The following DNAH9 variants were observed in gnomAD, a reference collection of about 807,000 sequenced individuals.
The protein encoded by DNAH9 is DNAH9 variant protein.
Under a neutral mutation model 471.6 loss-of-function variants are expected in DNAH9, and 345 were observed. That is an observed-to-expected ratio of 0.73 (90% CI 0.67 to 0.80). DNAH9 has a LOEUF of 0.80. Among genes scored for constraint, DNAH9 ranks in the 30% least tolerant of loss-of-function variants. The probability of loss-of-function intolerance (pLI) is 0.00; values close to 1 mark genes in which losing one functional copy is unlikely to be tolerated. For missense variants in DNAH9, 5,407 were observed against 5,609.2 expected (o/e 0.96, Z 1.15); for synonymous variants, 2,093 against 2,123.6 (o/e 0.99, Z 0.40).
intron 55 of DNAH9, among the ~76,000 whole-genome samples, chr17:11,882,023 C>T (rs867579945): frequency 6.6e-6 from 1 of 152,210 alleles, no homozygotes; most frequent in Admixed American, 6.5e-5. Context: ...CAGAACTAAG[C>T]GGAATGAAAT....
chr17:11,759,072 A>T (rs1967529893), intron 35 of DNAH9, among the ~76,000 whole-genome samples: 2 of 137,192 alleles, frequency 1.5e-5, no homozygotes, highest in Non-Finnish European at 1.5e-5. Flanking sequence ...TTAGGAAAAT[A>T]GTCTATCCCT....
intron 49 of DNAH9, among the ~76,000 whole-genome samples, chr17:11,839,113 C>G (rs925977481): frequency 2.6e-5 from 4 of 152,160 alleles, no homozygotes; most frequent in African/African-American, 7.2e-5. Flanking sequence ...TGGTCTCCCT[C>G]CCACCCCCTC....
chr17:11,615,698 G>A (rs2072727684), intron 4 of DNAH9, among the ~76,000 whole-genome samples: 1 of 152,030 alleles, frequency 6.6e-6, no homozygotes, highest in African/African-American at 2.4e-5. Context: ...CTTTTCTCAA[G>A]TATTGTGCTC....
At chr17:11,866,145 GT>G (rs1211997756) in intron 50 of DNAH9, among the ~76,000 whole-genome samples, 1 of 150,518 alleles carries the variant, frequency 6.6e-6, no homozygotes, top group Non-Finnish European at 1.5e-5. Context: ...CATCTTTGTG[GT>G]TTTGTCTACT....
chr17:11,856,035 T>C (rs950972979), intron 50 of DNAH9, among the ~76,000 whole-genome samples: 4 of 152,148 alleles, frequency 2.6e-5, no homozygotes, highest in Non-Finnish European at 5.9e-5. Flanking sequence ...GCTGCCCCCC[T>C]GCTGTGTGAC....
rs1417571933 is a variant in DNAH9 at position 11,887,105 on chromosome 17, T to TTACC, written c.11112+142_11112+145dup. 1.2e-5 allele frequency: 14 copies of TTACC among 1,167,398 alleles called. No individual in the cohort carries two copies. In the African/African-American group the frequency reaches 1.7e-4, roughly 14 times the overall value. 72.3% of individuals were successfully genotyped at this position (1,167,398 alleles called of 1,614,324 possible). A position where few individuals can be genotyped will look rare whatever the true frequency, so the allele number is the denominator to read the frequency against. On this transcript the variant is annotated intron_variant, in intron 57 of 68. Coordinates refer to ENST00000262442, the MANE Select transcript of DNAH9 (RefSeq NM_001372.4). Reference sequence around the variant, plus strand: ...GATCAAAGCCAGGAGAGGAGCTATGTTACCTTCAGACATCTCTTACCATCC... The same window carrying TTACC: ...GATCAAAGCCAGGAGAGGAGCTATGTTACCTACCTTCAGACATCTCTTACCATCC...
At chr17:11,776,443 C>T (rs1322963011) in intron 38 of DNAH9, among the ~76,000 whole-genome samples, 1 of 151,828 alleles carries the variant, frequency 6.6e-6, no homozygotes, top group Non-Finnish European at 1.5e-5. Flanking sequence ...ATGCCTATGT[C>T]TTCATGTTCA....
intron 28 of DNAH9, among the ~76,000 whole-genome samples, chr17:11,736,123 G>A (rs1296026124): frequency 6.6e-6 from 1 of 151,968 alleles, no homozygotes; most frequent in African/African-American, 2.4e-5. Context: ...CATAAACATA[G>A]GACAGTTTCT....
At position 11,880,151 on chromosome 17, in the gene DNAH9, G is replaced by T. The variant is rs1218742438; in HGVS notation, c.10552G>T (p.Asp3518Tyr). Residue 3518 changes from aspartate to tyrosine, a missense_variant, in exon 54 of 69, where the codon GAT becomes TAT. Physicochemically the swap from Asp to Tyr is radical, Grantham distance 160 (BLOSUM62 -3). This residue lies in a region of DNAH9 where 4,636 missense variants were observed against 4,900.3 expected (regional missense o/e 0.95). Transcript: ENST00000262442. The part of the protein sequence containing the change: ...VLIENLEESI[D>Y]PVLGPLLGRE... Reference sequence around the variant, plus strand: ...GATTGAAAATCTAGAGGAGTCCATTGATCCTGTTCTGGGACCCCTGCTTGG... The same window carrying T: ...GATTGAAAATCTAGAGGAGTCCATTTATCCTGTTCTGGGACCCCTGCTTGG... The T allele has an allele frequency of 6.2e-7, 1 of 1,614,036 alleles. No homozygotes were observed. The highest frequency in any genetic ancestry group is 8.5e-7 in the Non-Finnish European group (1 of 1,179,954).
At chr17:11,795,443 G>T (rs964129214) in intron 42 of DNAH9, among the ~76,000 whole-genome samples, 1 of 152,094 alleles carries the variant, frequency 6.6e-6, no homozygotes, top group East Asian at 1.9e-4. Context: ...GTTTAGCTCC[G>T]TATTTTTTTC....
intron 14 of DNAH9, among the ~76,000 whole-genome samples, chr17:11,659,107 C>G (rs2073706803): frequency 6.6e-6 from 1 of 151,444 alleles, no homozygotes; most frequent in Non-Finnish European, 1.5e-5. Context: ...GGGAATACTT[C>G]TGGATATGGA....
At position 11,697,293 on chromosome 17, in the gene DNAH9, G is replaced by A. The variant is rs531492383; in HGVS notation, c.4873-2438G>A. On this transcript the variant is annotated intron_variant, in intron 22 of 68. Coordinates refer to ENST00000262442, the MANE Select transcript of DNAH9 (RefSeq NM_001372.4). ...TGTGACTCTGTCATTTCACATGTGAGCAAGTGAATGGTTAGGGTTAGAATT... is the reference window on the plus strand; with the variant it reads ...TGTGACTCTGTCATTTCACATGTGAACAAGTGAATGGTTAGGGTTAGAATT... Among the ~76,000 whole-genome samples the A allele has an allele frequency of 3.9e-5, 6 of 152,210 alleles. No individual in the cohort carries two copies. In the South Asian group the frequency reaches 1.2e-3, roughly 32 times the overall value.
At chr17:11,796,688 G>A (rs1408923445) in intron 42 of DNAH9, among the ~76,000 whole-genome samples, 1 of 152,200 alleles carries the variant, frequency 6.6e-6, no homozygotes, top group East Asian at 1.9e-4. Context: ...GCGGACAACT[G>A]CTCATGCTGG....
Position 11,669,664 on chromosome 17 carries a change from C to G in DNAH9, c.3223C>G (p.Leu1075Val). Residue 1075 changes from leucine to valine, a missense_variant, in exon 17 of 69, where the codon CTG (leucine) becomes GTG (valine). Leu to Val is a conservative substitution (Grantham distance 32). Coordinates refer to ENST00000262442, the MANE Select transcript of DNAH9 (RefSeq NM_001372.4). ...AACGCTCTATGAAGAGGTGTGCAGG[C>G]TGGAACCCATCAAGGTGTTTGACGG... is the stretch of plus-strand genomic sequence containing the variant. ...YETLYEEVCRLEPIKVFDGWM... is the reference protein window; with the variant it reads ...YETLYEEVCRVEPIKVFDGWM... 6.2e-7 allele frequency: 1 copy of G among 1,614,146 alleles called. No homozygotes were observed. The highest frequency in any genetic ancestry group is 8.5e-7 in the Non-Finnish European group (1 of 1,180,024).
chr17:11,812,615 CA>C (rs1969967001), intron 45 of DNAH9, among the ~76,000 whole-genome samples: 1 of 152,068 alleles, frequency 6.6e-6, no homozygotes, highest in African/African-American at 2.4e-5. Context: ...TGGCTTCTTT[CA>C]GGTGAGATCG....
At chr17:11,782,563 C>T (rs577521576) in intron 39 of DNAH9, among the ~76,000 whole-genome samples, 4 of 152,274 alleles carry the variant, frequency 2.6e-5, no homozygotes, top group Middle Eastern at 3.4e-3. Context: ...ACTCATCGAT[C>T]GGTCCCCATC....
intron 45 of DNAH9, among the ~76,000 whole-genome samples, chr17:11,818,622 A>G (rs1567823843): frequency 2.0e-5 from 3 of 152,170 alleles, no homozygotes; most frequent in Admixed American, 6.5e-5. Context: ...AAGAGCTTGT[A>G]TATGATTCCA....
intron 12 of DNAH9, among the ~76,000 whole-genome samples, chr17:11,648,848 G>A (rs541452149): frequency 6.6e-6 from 1 of 152,218 alleles, no homozygotes; most frequent in Non-Finnish European, 1.5e-5. Context: ...GAACAGGGCC[G>A]GGCGTGGTGG....
Position 11,614,009 on chromosome 17 carries a change from A to AT in DNAH9, c.904+2237dup, listed in dbSNP as rs146224753. Reference sequence around the variant, plus strand: ...GCAGTAGAGTATATGCCGGCAATGAATTTTTTTTAAAAAAGATACCATTAC... The same window carrying AT: ...GCAGTAGAGTATATGCCGGCAATGAATTTTTTTTTAAAAAAGATACCATTAC... On this transcript the variant is annotated intron_variant, in intron 4 of 68. Coordinates refer to ENST00000262442, the MANE Select transcript of DNAH9 (RefSeq NM_001372.4). Among the ~76,000 whole-genome samples the AT allele has an allele frequency of 3.0e-3, 453 of 152,194 alleles. 3 individuals carry two copies. Among genetic ancestry groups the AT allele is most frequent in the African/African-American group, 8.9e-3 (368 of 41,510 alleles).
Sources: gnomAD v4.1 joint callset for allele counts (sites outside exome capture counted in the v4.1 genomes callset) on GRCh38, gnomAD v4.1.1 for gene constraint, gnomAD v4.1.1 regional missense constraint, MANE v1.5 for transcripts, NCBI Gene and HGNC (gene_info 2026-07-23, HGNC 2026-07-21) for gene names.